PTK2: variants seen among roughly 807,000 people sequenced by gnomAD.
The protein encoded by PTK2 is focal adhesion kinase 1.
A neutral mutation model predicts 150.1 loss-of-function variants in PTK2; 45 were observed. The ratio of observed to expected loss-of-function variants is 0.30; its 90% CI spans 0.24 to 0.38. The LOEUF (loss-of-function observed/expected upper bound fraction) is 0.38, where lower values mean the gene tolerates loss of function less well. Ranked by LOEUF, PTK2 falls within the 10% of genes least tolerant of loss-of-function variation. The pLI is 1.00. For synonymous variants in PTK2, 432 were observed against 449.2 expected, an observed-to-expected ratio of 0.96 and a Z score of 0.48; for missense variants, 919 against 1,307.3, an observed-to-expected ratio of 0.70 and a Z score of 4.58.
At chr8:140,903,313 G>C (rs930059470) in intron 2 of PTK2, among the ~76,000 whole-genome samples, 7 of 151,984 alleles carry the variant, frequency 4.6e-5, no homozygotes, top group African/African-American at 1.7e-4. Context: ...TTATTTCTGA[G>C]GCCTCTGTTC....
chr8:140,856,280 T>C (rs1426427229), intron 5 of PTK2, among the ~76,000 whole-genome samples: 1 of 152,126 alleles, frequency 6.6e-6, no homozygotes, highest in Non-Finnish European at 1.5e-5. Flanking sequence ...AAAGGGTAGA[T>C]ACAAATTTCA....
At chr8:140,920,006 A>G (rs2100166798) in intron 2 of PTK2, among the ~76,000 whole-genome samples, 1 of 152,188 alleles carries the variant, frequency 6.6e-6, no homozygotes, top group South Asian at 2.1e-4. Flanking sequence ...CTATACCTCT[A>G]CTCATAAAAC....
At chr8:140,675,646 C>G in intron 27 of PTK2, 147 bp from the exon 31 acceptor site, 1 of 624,750 alleles carries the variant, frequency 1.6e-6, no homozygotes, top group South Asian at 2.0e-5. Flanking sequence ...TGCATAAGGT[C>G]TCAGTTGGGG....
chr8:140,679,078 G>A lies in PTK2; in HGVS notation c.2563-3579C>T, dbSNP rs2100015656. Among the ~76,000 whole-genome samples, 4 of 127,510 alleles carry A rather than the reference G, an allele frequency of 3.1e-5. No homozygotes were observed. In the South Asian group the frequency reaches 1.1e-3, roughly 34 times the overall value. 83.7% of individuals were successfully genotyped at this position (127,510 alleles called of 152,430 possible). A position where few individuals can be genotyped will look rare whatever the true frequency, so the allele number is the denominator to read the frequency against. ...CTTGCTCTGTCGCCCAGGCTGGAGT[G>A]CAGTGGTGTGATCTTGGCTCACTGC... On this transcript the variant is annotated intron_variant, in intron 27 of 31. Transcript: ENST00000522684.
chr8:140,975,674 C>T (rs1007548092), intron 1 of PTK2, among the ~76,000 whole-genome samples: 24 of 152,108 alleles, frequency 1.6e-4, no homozygotes, highest in East Asian at 9.6e-4. Flanking sequence ...ATGCGACCCC[C>T]GAAGGCTGAA....
chr8:140,933,891 G>A (rs1212054846), intron 1 of PTK2, among the ~76,000 whole-genome samples: 1 of 152,042 alleles, frequency 6.6e-6, no homozygotes, highest in Non-Finnish European at 1.5e-5. Flanking sequence ...AAGGCAGTGA[G>A]TAGAGATTTT....
intron 4 of PTK2, among the ~76,000 whole-genome samples, chr8:140,876,945 T>C (rs1216456336): frequency 6.6e-6 from 1 of 151,956 alleles, no homozygotes; most frequent in Non-Finnish European, 1.5e-5. Context: ...TCATAACTCT[T>C]GAAAATACCT....
intron 10 of PTK2, among the ~76,000 whole-genome samples, chr8:140,812,257 C>G (rs1367395577): frequency 1.3e-5 from 2 of 152,200 alleles, no homozygotes; most frequent in South Asian, 2.1e-4. Context: ...ATTCAACATT[C>G]TGGAAGAAAT....
intron 1 of PTK2, among the ~76,000 whole-genome samples, chr8:140,951,141 T>A (rs910118269): frequency 6.6e-6 from 1 of 152,118 alleles, no homozygotes; most frequent in Non-Finnish European, 1.5e-5. Context: ...CCATGCCACA[T>A]TAACCCTGAA....
intron 2 of PTK2, chr8:140,892,501 T>C: frequency 3.2e-6 from 1 of 312,912 alleles, no homozygotes; most frequent in Middle Eastern, 4.0e-4. Flanking sequence ...GTGCCACTGC[T>C]TTCCAGCCAG....
intron 1 of PTK2, among the ~76,000 whole-genome samples, chr8:140,961,943 G>C (rs560896213): frequency 6.6e-6 from 1 of 152,168 alleles, no homozygotes; most frequent in Non-Finnish European, 1.5e-5. Flanking sequence ...AATTTATTGA[G>C]TTAGTATCTT....
At chr8:140,712,696 A>AATGTT (rs1372727502) in intron 23 of PTK2, among the ~76,000 whole-genome samples, 4 of 152,244 alleles carry the variant, frequency 2.6e-5, no homozygotes, top group East Asian at 1.9e-4. Context: ...CAATGTTAAC[A>AATGTT]CATTTCAGTA....
intron 12 of PTK2, among the ~76,000 whole-genome samples, chr8:140,794,200 G>A (rs183230658): frequency 6.6e-6 from 1 of 152,312 alleles, no homozygotes; most frequent in Non-Finnish European, 1.5e-5. Context: ...AATCAAGCAA[G>A]TTATTATGCT....
chr8:140,838,399 C>T (rs1056037577), intron 7 of PTK2, among the ~76,000 whole-genome samples: 1 of 152,186 alleles, frequency 6.6e-6, no homozygotes, highest in Non-Finnish European at 1.5e-5. Context: ...ATGGTGTGTG[C>T]ATGCGAGTCC....
At chr8:140,994,861 G>A (rs2100197015) in intron 1 of PTK2, among the ~76,000 whole-genome samples, 1 of 152,076 alleles carries the variant, frequency 6.6e-6, no homozygotes, top group African/African-American at 2.4e-5. Flanking sequence ...GAAGTGGGAG[G>A]ATCATCTGAG....
intron 1 of PTK2, among the ~76,000 whole-genome samples, chr8:140,998,170 T>G (rs1214615949): frequency 2.6e-5 from 4 of 152,248 alleles, no homozygotes; most frequent in Admixed American, 1.3e-4. Flanking sequence ...TAACTTTTAA[T>G]GTTACTGAAA....
intron 27 of PTK2, among the ~76,000 whole-genome samples, chr8:140,679,003 G>GTTTTTTTTTTTTTT (rs533089786): frequency 1.4e-4 from 10 of 69,006 alleles, no homozygotes; most frequent in East Asian, 9.3e-4. Context: ...TGCTCCCCAT[G>GTTTTTTTTTTTTTT]TTTTTTTTTT....
At chr8:140,897,650 G>A (rs1233396446) in intron 2 of PTK2, among the ~76,000 whole-genome samples, 1 of 152,142 alleles carries the variant, frequency 6.6e-6, no homozygotes, top group Non-Finnish European at 1.5e-5. Flanking sequence ...TCAAAGAATG[G>A]CCTCAACTAT....
intron 2 of PTK2, among the ~76,000 whole-genome samples, chr8:140,900,768 A>G (rs4961300): frequency 0.42 from 63,717 of 151,830 alleles, 14,119 homozygotes; most frequent in South Asian, 0.55. Flanking sequence ...CACATACACA[A>G]GTTGAAAAAT....
Sources: gnomAD v4.1 joint callset for allele counts (sites outside exome capture counted in the v4.1 genomes callset) on GRCh38, gnomAD v4.1.1 for gene constraint, MANE v1.5 for transcripts, NCBI Gene and HGNC (gene_info 2026-07-23, HGNC 2026-07-21) for gene names.